PARP14: variants seen among roughly 807,000 people sequenced by gnomAD.
PARP14 encodes the protein protein mono-ADP-ribosyltransferase PARP14.
Under a neutral mutation model 154.2 loss-of-function variants are expected in PARP14, and 59 were observed. That is an observed-to-expected ratio of 0.38 (90% CI 0.31 to 0.48). The LOEUF (loss-of-function observed/expected upper bound fraction) is 0.48. PARP14 is among the 20% of genes least tolerant of loss of function. The probability of loss-of-function intolerance (pLI) is 0.98; values close to 1 mark genes in which losing one functional copy is unlikely to be tolerated. For synonymous variants in PARP14, 720 were observed against 780.5 expected (o/e 0.92, Z 1.29); for missense variants, 1,734 against 2,131.6 (o/e 0.81, Z 3.67).
chr3:122,686,599 C>A (rs1481424714), intron 2 of PARP14, among the ~76,000 whole-genome samples: 1 of 152,178 alleles, frequency 6.6e-6, no homozygotes, highest in Non-Finnish European at 1.5e-5. Flanking sequence ...GCTGGGACTA[C>A]AGGCATGCAT....
At chr3:122,715,530 TC>T (rs1048776561) in intron 12 of PARP14, among the ~76,000 whole-genome samples, 9 of 152,178 alleles carry the variant, frequency 5.9e-5, no homozygotes, top group African/African-American at 2.2e-4. Flanking sequence ...TTGTTTTCAT[TC>T]CCCTTAGAGT....
At chr3:122,720,476 A>G (rs1215391707) in intron 15 of PARP14, 88 bp downstream of exon 15, 5 of 1,265,442 alleles carry the variant, frequency 4.0e-6, no homozygotes, top group Non-Finnish European at 4.5e-6. Flanking sequence ...TTCACTTCCT[A>G]TCACATTTTT....
chr3:122,714,514 C>G, intron 12 of PARP14, 85 bp downstream of exon 12: 1 of 1,040,014 alleles, frequency 9.6e-7, no homozygotes, highest in Non-Finnish European at 1.4e-6. Flanking sequence ...GCGGTCAGTG[C>G]TGAGTCTGAC....
chr3:122,699,198 C>A (rs1197822312), intron 5 of PARP14, among the ~76,000 whole-genome samples, 192 bp from the exon 6 acceptor site: 1 of 152,048 alleles, frequency 6.6e-6, no homozygotes, highest in East Asian at 1.9e-4. Context: ...GTTTTTTTTA[C>A]TCTAAAATGG....
At chr3:122,712,229 G>C (rs1435443942) in intron 9 of PARP14, among the ~76,000 whole-genome samples, 1 of 142,238 alleles carries the variant, frequency 7.0e-6, no homozygotes, top group Non-Finnish European at 1.5e-5. Context: ...ACATCTTTTT[G>C]GGATTCACAT....
chr3:122,708,738 A>G (rs531984612), intron 9 of PARP14, among the ~76,000 whole-genome samples: 36 of 152,046 alleles, frequency 2.4e-4, no homozygotes, highest in African/African-American at 8.4e-4. Context: ...TCTATTTCAT[A>G]TCTCCTTCTG....
intron 9 of PARP14, among the ~76,000 whole-genome samples, chr3:122,709,836 C>G (rs1939265661): frequency 6.7e-6 from 1 of 149,204 alleles, no homozygotes; most frequent in Admixed American, 6.7e-5. Context: ...GTTTGTATAC[C>G]TTCTTTTGAG....
intron 9 of PARP14, among the ~76,000 whole-genome samples, chr3:122,712,449 T>C (rs1939353313): frequency 6.6e-6 from 1 of 152,276 alleles, no homozygotes; most frequent in African/African-American, 2.4e-5. Context: ...GGTTTTACCA[T>C]GTTGGACAGG....
At chr3:122,704,828 AC>A in intron 8 of PARP14, 80 bp downstream of exon 8, 1 of 726,084 alleles carries the variant, frequency 1.4e-6, no homozygotes, top group Non-Finnish European at 2.3e-6. Context: ...CTAACAGGAT[AC>A]TTTTTTCATT....
Position 122,699,880 on chromosome 3 carries a change from C to A in PARP14, c.1326C>A (p.Val442=), listed in dbSNP as rs1176241510. Residue 442 remains valine, a synonymous_variant, in exon 6 of 17, where the codon GTC becomes GTA. Transcript: ENST00000474629. Reference sequence around the variant, plus strand: ...TCTTAGCAGGGAAATCAGAGGATGTCCAAAGCATTGAGGTACAAGTCAGGG... The same window carrying A: ...TCTTAGCAGGGAAATCAGAGGATGTACAAAGCATTGAGGTACAAGTCAGGG... ...MVILAGKSED[V]QSIEVQVREL... 1 of 1,613,776 alleles carries A rather than the reference C, an allele frequency of 6.2e-7. No individual in the cohort carries two copies. Among genetic ancestry groups the A allele is most frequent in the Admixed American group, 1.7e-5 (1 of 60,016 alleles).
At chr3:122,710,943 C>G (rs1310083993) in intron 9 of PARP14, among the ~76,000 whole-genome samples, 3 of 151,822 alleles carry the variant, frequency 2.0e-5, no homozygotes, top group African/African-American at 7.3e-5. Flanking sequence ...GATTTTTTAA[C>G]CTGAGACTTT....
At chr3:122,683,104 C>T (rs1429268214) in intron 1 of PARP14, among the ~76,000 whole-genome samples, 1 of 152,004 alleles carries the variant, frequency 6.6e-6, no homozygotes, top group South Asian at 2.1e-4. Context: ...CAAAAACAAA[C>T]TCGAAACCTA....
At chr3:122,717,866 G>C (rs1933037051) in intron 12 of PARP14, among the ~76,000 whole-genome samples, 1 of 152,164 alleles carries the variant, frequency 6.6e-6, no homozygotes, top group African/African-American at 2.4e-5. Context: ...TAGGCTGTGG[G>C]CTTCCTGACA....
At chr3:122,708,297 G>T in intron 9 of PARP14, 29 bp downstream of exon 9, 1 of 1,222,630 alleles carries the variant, frequency 8.2e-7, no homozygotes, top group Non-Finnish European at 1.2e-6. Flanking sequence ...ATTGAGAAGT[G>T]ATTTCTAGTT....
At chr3:122,683,764 C>T (rs1938287205) in intron 1 of PARP14, among the ~76,000 whole-genome samples, 1 of 152,166 alleles carries the variant, frequency 6.6e-6, no homozygotes, top group African/African-American at 2.4e-5. Context: ...TACTTGTGCC[C>T]ATAAATATTG....
At chr3:122,708,470 TTA>T (rs1375003602) in intron 9 of PARP14, among the ~76,000 whole-genome samples, 1 of 152,170 alleles carries the variant, frequency 6.6e-6, no homozygotes, top group African/African-American at 2.4e-5. Flanking sequence ...GCAGGCCAAG[TTA>T]TGTAATCTGT....
In PARP14 at chr3:122,720,268, A is replaced by T; in HGVS notation, c.4821A>T (p.Ala1607=). 2 of 1,613,362 alleles carry T rather than the reference A, an allele frequency of 1.2e-6. No homozygotes were observed. Among genetic ancestry groups the T allele is most frequent in the Non-Finnish European group, 1.7e-6 (2 of 1,179,652 alleles). ...RLTKSKVDIP[A]HWSDMKQQNF... Reference sequence around the variant, plus strand: ...TCTCCTTTGCAGTTGACATCCCTGCACACTGGAGTGATATGAAGCAGCAGA... The same window carrying T: ...TCTCCTTTGCAGTTGACATCCCTGCTCACTGGAGTGATATGAAGCAGCAGA... Residue 1607 remains alanine (A), a synonymous_variant, in exon 15 of 17, where the codon GCA becomes GCT. Coordinates refer to ENST00000474629, the MANE Select transcript of PARP14 (RefSeq NM_017554.3).
chr3:122,713,578 T>A lies in PARP14; in HGVS notation c.3769+5T>A. ...ACTCATTCAATCTCAAAGCAGGTAC[T>A]TGTACAATTTTGATGAGTGCAATAG... On this transcript the variant is annotated splice_donor_5th_base_variant and intron_variant, in intron 10 of 16. Transcript: ENST00000474629. 6.2e-7 allele frequency: 1 copy of A among 1,612,578 alleles called. No individual in the cohort carries two copies. The highest frequency in any genetic ancestry group is 8.5e-7 in the Non-Finnish European group (1 of 1,178,740).
At position 122,701,480 on chromosome 3, in the gene PARP14, A is replaced by G; in HGVS notation, c.2926A>G (p.Thr976Ala). The G allele has an allele frequency of 6.2e-7, 1 of 1,613,838 alleles. No homozygotes were observed. Reference sequence around the variant, plus strand: ...TGAGGCCTTTGCAGAAGCTGTGAAAACTGTATTTAAAGCCACCCTGCCAGA... The same window carrying G: ...TGAGGCCTTTGCAGAAGCTGTGAAAGCTGTATTTAAAGCCACCCTGCCAGA... ...TVEAFAEAVK[T>A]VFKATLPDTA... Residue 976 changes from threonine (T) to alanine (A), a missense_variant, in exon 6 of 17, where the codon ACT becomes GCT. By Grantham distance (58) the Thr-to-Ala change is moderately conservative. Transcript: ENST00000474629. The surrounding 1 kb of genome is among the most constrained non-coding windows in gnomAD (Gnocchi z 4.0).
Sources: allele counts gnomAD v4.1 joint callset (sites outside exome capture counted in the v4.1 genomes callset), GRCh38; gene constraint gnomAD v4.1.1; non-coding constraint Gnocchi (gnomAD v3.1); transcripts MANE v1.5; gene names NCBI Gene and HGNC (gene_info 2026-07-23, HGNC 2026-07-21).